RBFOX2: variants seen among roughly 807,000 people sequenced by gnomAD.
RBFOX2 encodes RNA binding fox-1 homolog 2.
In RBFOX2, 10 loss-of-function variants were observed where a neutral mutation model predicts 49.1. The observed-to-expected ratio is 0.20, with a 90% confidence interval of 0.13 to 0.35. The LOEUF (loss-of-function observed/expected upper bound fraction) is 0.35. RBFOX2 is among the 10% of genes least tolerant of loss of function. RBFOX2 has a pLI of 1.00. For synonymous variants in RBFOX2, 183 were observed against 187.4 expected, an observed-to-expected ratio of 0.98 and a Z score of 0.19; for missense variants, 323 against 486.9, an observed-to-expected ratio of 0.66 and a Z score of 3.17.
At chr22:35,924,974 G>C (rs1480940811) in intron 1 of RBFOX2, among the ~76,000 whole-genome samples, 1 of 151,994 alleles carries the variant, frequency 6.6e-6, no homozygotes, top group Non-Finnish European at 1.5e-5. Flanking sequence ...AGGAGTTCAA[G>C]ACCAACTCGA....
chr22:36,011,985 A>G (rs1603466607), intron 1 of RBFOX2, among the ~76,000 whole-genome samples: 1 of 152,182 alleles, frequency 6.6e-6, no homozygotes, highest in South Asian at 2.1e-4. Context: ...TAATTTCTAG[A>G]TGCCTTCAGC....
intron 1 of RBFOX2, among the ~76,000 whole-genome samples, chr22:35,933,880 G>A (rs1271909127): frequency 6.8e-6 from 1 of 147,522 alleles, no homozygotes; most frequent in African/African-American, 2.5e-5. Context: ...TTATTCACCT[G>A]CCAGTTTATA....
chr22:35,947,170 C>T (rs868386647), intron 1 of RBFOX2, among the ~76,000 whole-genome samples: 10 of 151,690 alleles, frequency 6.6e-5, no homozygotes, highest in East Asian at 1.9e-4. Context: ...CCAGCCTGGG[C>T]GACAGAGCAA....
chr22:35,945,325 C>T (rs1342987303), intron 1 of RBFOX2, among the ~76,000 whole-genome samples: 1 of 152,162 alleles, frequency 6.6e-6, no homozygotes. Flanking sequence ...AGTATTGAGC[C>T]TATTTTTGAA....
chr22:35,934,335 T>G (rs1251795211), intron 1 of RBFOX2, among the ~76,000 whole-genome samples: 1 of 152,068 alleles, frequency 6.6e-6, no homozygotes, highest in East Asian at 1.9e-4. Flanking sequence ...TATATTAAAA[T>G]AAAAGTTTAA....
intron 11 of RBFOX2, among the ~76,000 whole-genome samples, chr22:35,745,704 T>A (rs1332168413): frequency 2.0e-5 from 3 of 152,214 alleles, no homozygotes; most frequent in African/African-American, 7.2e-5. Flanking sequence ...TTATCAATGA[T>A]CATTCCTTTC....
intron 1 of RBFOX2, among the ~76,000 whole-genome samples, chr22:35,847,877 T>C (rs2041417469): frequency 1.3e-5 from 2 of 152,158 alleles, no homozygotes; most frequent in Admixed American, 6.5e-5. Flanking sequence ...ATTCATCTTA[T>C]TATGAATATT....
chr22:35,763,432 C>A (rs982433746), intron 6 of RBFOX2, among the ~76,000 whole-genome samples: 22 of 152,206 alleles, frequency 1.4e-4, no homozygotes, highest in Non-Finnish European at 7.4e-5. Flanking sequence ...TGTGGTGGCA[C>A]ACACCTGTAA....
rs374346895 is a variant in RBFOX2, at chr22:35,803,147, A to AACACACACACACACACACAC, written c.252+6613_252+6632dup. ...GTTTAAGTATGGGCAAATTACTTAA[A>AACACACACACACACACACAC]ACACACACACACACACACACACACA... On this transcript the variant is annotated intron_variant, in intron 2 of 11. Coordinates refer to ENST00000405409, the Ensembl canonical transcript of RBFOX2. Among the ~76,000 whole-genome samples, 312 of 145,826 alleles carry AACACACACACACACACACAC rather than the reference A, an allele frequency of 2.1e-3. 3 individuals carry two copies. Among genetic ancestry groups the AACACACACACACACACACAC allele is most frequent in the African/African-American group, 7.6e-3 (303 of 39,694 alleles).
At chr22:35,939,756 C>T (rs1057385764), upstream of RBFOX2, among the ~76,000 whole-genome samples, 1 of 152,116 alleles carries the variant, frequency 6.6e-6, no homozygotes, top group Non-Finnish European at 1.5e-5. Context: ...AACATGAACA[C>T]TCATTTCCAG....
chr22:35,980,168 C>T (rs1201973368), intron 1 of RBFOX2, among the ~76,000 whole-genome samples: 2 of 152,032 alleles, frequency 1.3e-5, no homozygotes, highest in Non-Finnish European at 2.9e-5. Context: ...AAGGCCACAA[C>T]GGAATATACT....
intron 1 of RBFOX2, among the ~76,000 whole-genome samples, chr22:35,882,117 A>T (rs1461914994): frequency 6.6e-6 from 1 of 152,214 alleles, no homozygotes; most frequent in Non-Finnish European, 1.5e-5. Flanking sequence ...ATGAAAGAGA[A>T]TCAAAAAAAG....
At chr22:35,852,719 T>G (rs1390673357) in intron 1 of RBFOX2, among the ~76,000 whole-genome samples, 1 of 152,196 alleles carries the variant, frequency 6.6e-6, no homozygotes, top group African/African-American at 2.4e-5. Context: ...ATGATATGTC[T>G]TATACATCAT....
At chr22:35,928,532 A>G (rs1421789160) in intron 1 of RBFOX2, among the ~76,000 whole-genome samples, 1 of 152,244 alleles carries the variant, frequency 6.6e-6, no homozygotes, top group African/African-American at 2.4e-5. Flanking sequence ...AGGCCTCAGC[A>G]GAGAGGCAAA....
At chr22:35,964,540 A>G (rs1186087779), upstream of RBFOX2, among the ~76,000 whole-genome samples, 2 of 152,216 alleles carry the variant, frequency 1.3e-5, no homozygotes, top group Non-Finnish European at 2.9e-5. Context: ...GATGAAAAAA[A>G]TTATCACTGT....
intron 2 of RBFOX2, among the ~76,000 whole-genome samples, chr22:35,784,831 C>T (rs904036909): frequency 3.9e-5 from 6 of 152,160 alleles, no homozygotes; most frequent in East Asian, 3.9e-4. Context: ...CGACCACCGC[C>T]GGCAGATTGC....
At chr22:35,897,667 G>C in intron 1 of RBFOX2, 1 of 1,396,950 alleles carries the variant, frequency 7.2e-7, no homozygotes, top group East Asian at 2.3e-5. Context: ...AATTCCTTTG[G>C]ATACATCTAC....
chr22:35,965,455 T>A (rs2056503534), upstream of RBFOX2, among the ~76,000 whole-genome samples: 1 of 152,200 alleles, frequency 6.6e-6, no homozygotes, highest in African/African-American at 2.4e-5. Context: ...GTCTCCATGA[T>A]AAGAATAATG....
intron 9 of RBFOX2, 82 bp from the exon 11 acceptor site, chr22:35,756,226 C>T: frequency 7.7e-7 from 1 of 1,291,228 alleles, no homozygotes; most frequent in Non-Finnish European, 1.0e-6. Flanking sequence ...CGGCAGCATG[C>T]ACATGCGCTC....
Sources: gnomAD v4.1 joint callset for allele counts (sites outside exome capture counted in the v4.1 genomes callset) on GRCh38, gnomAD v4.1.1 for gene constraint, MANE v1.5 for transcripts, NCBI Gene and HGNC (gene_info 2026-07-23, HGNC 2026-07-21) for gene names.